HS3ST3B1: variants seen among roughly 807,000 people sequenced by gnomAD.
The protein encoded by HS3ST3B1 is heparan sulfate-glucosamine 3-sulfotransferase 3B1.
Under a neutral mutation model 21.3 loss-of-function variants are expected in HS3ST3B1, and 13 were observed. The observed-to-expected ratio is 0.61, with a 90% CI of 0.40 to 0.97. HS3ST3B1 has a LOEUF of 0.97. Among genes scored for constraint, HS3ST3B1 ranks in the 50% least tolerant of loss-of-function variants. The probability of loss-of-function intolerance (pLI) is 0.00; values close to 1 mark genes in which losing one functional copy is unlikely to be tolerated. For missense variants in HS3ST3B1, 459 were observed against 554.8 expected, an observed-to-expected ratio of 0.83 and a Z score of 1.73; for synonymous variants, 234 against 254.8, an observed-to-expected ratio of 0.92 and a Z score of 0.78.
chr17:14,333,838 C>T (rs1597599775), intron 1 of HS3ST3B1, among the ~76,000 whole-genome samples: 1 of 152,154 alleles, frequency 6.6e-6, no homozygotes, highest in East Asian at 1.9e-4. Context: ...GTGATCTTGG[C>T]TCACCGCAAC....
chr17:14,343,036 G>C (rs1389715069), intron 1 of HS3ST3B1, among the ~76,000 whole-genome samples: 1 of 152,182 alleles, frequency 6.6e-6, no homozygotes, highest in African/African-American at 2.4e-5. Flanking sequence ...GAGGTCAGGA[G>C]ATTGAGACCA....
At chr17:14,314,716 C>G (rs1224746887) in intron 1 of HS3ST3B1, among the ~76,000 whole-genome samples, 1 of 152,208 alleles carries the variant, frequency 6.6e-6, no homozygotes, top group Non-Finnish European at 1.5e-5. Context: ...AGCCCCTGGG[C>G]TTGTGAATGG....
intron 1 of HS3ST3B1, among the ~76,000 whole-genome samples, chr17:14,309,349 G>T (rs547587271): frequency 1.6e-4 from 25 of 152,306 alleles, no homozygotes; most frequent in Non-Finnish European, 3.4e-4. Context: ...CCGCCCCTAG[G>T]CTGGCCGGGT....
chr17:14,313,185 G>A (rs1169473242), intron 1 of HS3ST3B1, among the ~76,000 whole-genome samples: 2 of 139,172 alleles, frequency 1.4e-5, no homozygotes, highest in Non-Finnish European at 3.1e-5. Flanking sequence ...GGCCAGGCTG[G>A]TCTCGAACTC....
rs201733731 is a variant in HS3ST3B1, at chr17:14,301,687, G to T, written c.169G>T (p.Ala57Ser). ...FLYSCAGSCA[A>S]APGLLLLGSG... is the part of the protein sequence containing the mutation. ...GTACTCGTGCGCCGGCTCCTGCGCCGCCGCGCCGGGGCTGCTGCTCCTGGG... is the reference window on the plus strand; with the variant it reads ...GTACTCGTGCGCCGGCTCCTGCGCCTCCGCGCCGGGGCTGCTGCTCCTGGG... The change falls in exon 1 of 2, where the codon GCC becomes TCC. Residue 57 changes from alanine (A) to serine (S), a missense_variant. By Grantham distance (99) the Ala-to-Ser change is moderately conservative. Transcript: ENST00000360954. The T allele has an allele frequency of 1.1e-5, 17 of 1,600,742 alleles. No individual in the cohort carries two copies. Among genetic ancestry groups the T allele is most frequent in the Non-Finnish European group, 1.4e-5 (16 of 1,175,842 alleles).
At chr17:14,330,145 A>T (rs1260206045) in intron 1 of HS3ST3B1, among the ~76,000 whole-genome samples, 1 of 152,230 alleles carries the variant, frequency 6.6e-6, no homozygotes, top group Non-Finnish European at 1.5e-5. Context: ...GGTACATTTG[A>T]CATTGAGCAT....
In HS3ST3B1 at chr17:14,337,540, G is replaced by A. The variant is rs1161718632; in HGVS notation, c.555-7488G>A. Among the ~76,000 whole-genome samples, 3 of 147,496 alleles carry A rather than the reference G, an allele frequency of 2.0e-5. No homozygotes were observed. The East Asian group carries it at 5.9e-4, about 29-fold the overall frequency. On this transcript the variant is annotated intron_variant, in intron 1 of 1. Transcript: ENST00000360954. Reference sequence around the variant, plus strand: ...TTTAGTAGAGACTGGGTTTCGTCATGTTGGCCAGGCTGGTCTTGAACTCCT... The same window carrying A: ...TTTAGTAGAGACTGGGTTTCGTCATATTGGCCAGGCTGGTCTTGAACTCCT...
intron 1 of HS3ST3B1, among the ~76,000 whole-genome samples, chr17:14,325,180 G>C (rs901081596): frequency 5.3e-5 from 8 of 152,242 alleles, no homozygotes; most frequent in Non-Finnish European, 1.0e-4. Context: ...GATTGCCATG[G>C]GGCAATGGCT....
chr17:14,308,160 T>G (rs1909192250), intron 1 of HS3ST3B1, among the ~76,000 whole-genome samples: 1 of 152,228 alleles, frequency 6.6e-6, no homozygotes, highest in Non-Finnish European at 1.5e-5. Context: ...CAAATAAAAC[T>G]GATGTTCGTG....
intron 1 of HS3ST3B1, among the ~76,000 whole-genome samples, chr17:14,312,686 T>A (rs2142328635): frequency 6.6e-6 from 1 of 151,970 alleles, no homozygotes; most frequent in Non-Finnish European, 1.5e-5. Context: ...CATCCCCTCC[T>A]CTACCAACTC....
intron 1 of HS3ST3B1, among the ~76,000 whole-genome samples, chr17:14,322,857 G>C (rs1404818903): frequency 6.7e-6 from 1 of 148,724 alleles, no homozygotes; most frequent in Non-Finnish European, 1.5e-5. Flanking sequence ...TCTGGAGTCT[G>C]TGAATCTCCT....
At chr17:14,330,550 G>GGTGTGTATGT (rs111261697) in intron 1 of HS3ST3B1, among the ~76,000 whole-genome samples, 3 of 144,080 alleles carry the variant, frequency 2.1e-5, no homozygotes, top group African/African-American at 7.8e-5. Context: ...CTGGTTTCCC[G>GGTGTGTATGT]GTGTGTGTGT....
chr17:14,301,873 C>T lies in HS3ST3B1; in HGVS notation c.355C>T (p.Pro119Ser). 1 of 1,603,652 alleles carries T rather than the reference C, an allele frequency of 6.2e-7. No homozygotes were observed. The highest frequency in any genetic ancestry group is 8.5e-7 in the Non-Finnish European group (1 of 1,176,238). Residue 119 changes from proline to serine, a missense_variant, in exon 1 of 2, where the codon CCG becomes TCG. Transcript: ENST00000360954. Reference protein sequence around the residue: ...ASPEEQSPEVPDSPSPISSFF... With the variant: ...ASPEEQSPEVSDSPSPISSFF... Reference sequence around the variant, plus strand: ...CCCGGAGGAGCAGAGTCCCGAGGTGCCGGACTCCCCAAGCCCCATCTCCAG... The same window carrying T: ...CCCGGAGGAGCAGAGTCCCGAGGTGTCGGACTCCCCAAGCCCCATCTCCAG...
At chr17:14,326,134 A>G (rs1909809512) in intron 1 of HS3ST3B1, among the ~76,000 whole-genome samples, 1 of 152,124 alleles carries the variant, frequency 6.6e-6, no homozygotes, top group African/African-American at 2.4e-5. Flanking sequence ...ATATATTAGA[A>G]GAAGGAGGTC....
At chr17:14,339,501 G>A (rs1334970425) in intron 1 of HS3ST3B1, among the ~76,000 whole-genome samples, 2 of 152,252 alleles carry the variant, frequency 1.3e-5, no homozygotes, top group East Asian at 1.9e-4. Flanking sequence ...ATGGAAGAAG[G>A]CCCATCAGGA....
At chr17:14,328,920 T>C (rs1909895811) in intron 1 of HS3ST3B1, 1 of 152,222 alleles carries the variant, frequency 6.6e-6, no homozygotes, top group South Asian at 2.1e-4. Context: ...TTAAAGCCTA[T>C]GATAACGGGG....
At chr17:14,326,648 G>A (rs537559051) in intron 1 of HS3ST3B1, among the ~76,000 whole-genome samples, 9 of 152,202 alleles carry the variant, frequency 5.9e-5, no homozygotes, top group Admixed American at 2.6e-4. Context: ...CTCAGGGGCC[G>A]TGGCTCACGC....
chr17:14,324,649 T>C (rs1172756049), intron 1 of HS3ST3B1, among the ~76,000 whole-genome samples: 1 of 152,220 alleles, frequency 6.6e-6, no homozygotes, highest in African/African-American at 2.4e-5. Context: ...GGTCTTGCTC[T>C]GTTGCCCAGG....
rs893406080 is a variant in HS3ST3B1 at position 14,326,042 on chromosome 17, C to T, written c.555-18986C>T. Among the ~76,000 whole-genome samples the T allele has an allele frequency of 5.3e-5, 8 of 151,676 alleles. No individual in the cohort carries two copies. The South Asian group carries it at 6.2e-4, about 12-fold the overall frequency. On this transcript the variant is annotated intron_variant, in intron 1 of 1. Transcript: ENST00000360954. Reference sequence around the variant, plus strand: ...GTGTACGTGTGTGTGTGTGCACGCACGTGTGTGCGTGTGTGTGTGCATTTT... The same window carrying T: ...GTGTACGTGTGTGTGTGTGCACGCATGTGTGTGCGTGTGTGTGTGCATTTT...
Sources: allele counts gnomAD v4.1 joint callset (sites outside exome capture counted in the v4.1 genomes callset), GRCh38; gene constraint gnomAD v4.1.1; transcripts MANE v1.5; gene names NCBI Gene and HGNC (gene_info 2026-07-23, HGNC 2026-07-21).